PATZ1: variants seen among roughly 807,000 people sequenced by gnomAD.
PATZ1 encodes the protein POZ-, AT hook-, and zinc finger-containing protein 1.
PATZ1 carries 9 observed loss-of-function variants against 46.2 expected under a neutral mutation model. That is an observed-to-expected ratio of 0.19 (90% CI 0.12 to 0.34). The LOEUF (loss-of-function observed/expected upper bound fraction) is 0.34, where lower values mean the gene tolerates loss of function less well. PATZ1 is among the 10% of genes least tolerant of loss of function. The probability of loss-of-function intolerance (pLI) is 1.00; values close to 1 mark genes in which losing one functional copy is unlikely to be tolerated. For missense variants in PATZ1, 632 were observed against 923.0 expected (o/e 0.68, Z 4.08); for synonymous variants, 426 against 378.6 (o/e 1.13, Z -1.45).
At chr22:31,335,989 T>TTAGAGTTTGGCTCAGGCTCCC (rs2049504153) in intron 2 of PATZ1, 126 bp from the exon 3 acceptor site, 1 of 853,130 alleles carries the variant, frequency 1.2e-6, no homozygotes, top group Non-Finnish European at 1.8e-6. Context: ...AAAGACAGCT[T>TTAGAGTTTGGCTCAGGCTCCC]TAGAGTTTGG....
Position 31,334,835 on chromosome 22 carries a change from T to C in PATZ1, c.1507+857A>G, listed in dbSNP as rs17820970. Among the ~76,000 whole-genome samples, 1,455 of 152,194 alleles carry C rather than the reference T, an allele frequency of 9.6e-3. 99 individuals are homozygous for C. The East Asian group carries it at 0.19, about 20-fold the overall frequency. On this transcript the variant is annotated intron_variant, in intron 3 of 4. Coordinates refer to ENST00000266269, the MANE Select transcript of PATZ1 (RefSeq NM_014323.3). ...CCCACTAAGCAGGCTTTCGGAAGCA[T>C]TGGGACAAGCAAGAATGCCCCAGGA...
Position 31,326,772 on chromosome 22 carries a change from G to C in PATZ1, c.*119C>G. 1.2e-6 allele frequency: 1 copy of C among 818,358 alleles called. No homozygotes were observed. The highest frequency in any genetic ancestry group is 1.9e-6 in the Non-Finnish European group (1 of 527,078). 50.7% of individuals were successfully genotyped at this position (818,358 alleles called of 1,614,324 possible). A position where few individuals can be genotyped will look rare whatever the true frequency, so the allele number is the denominator to read the frequency against. ...GAAGGAGTTGGAGTGGGGTTGGGGG[G>C]CAGTTAAAAATGAATAAAAATCTCT... On this transcript the variant is annotated 3_prime_UTR_variant, in exon 5 of 5. Transcript: ENST00000266269.
At chr22:31,343,559 T>TCA in intron 1 of PATZ1, 1 of 398,486 alleles carries the variant, frequency 2.5e-6, no homozygotes, top group Non-Finnish European at 3.4e-6. Context: ...ATCCCTGTGT[T>TCA]CACACACACA....
chr22:31,341,805 C>G (rs1569028307), intron 2 of PATZ1: 1 of 803,144 alleles, frequency 1.2e-6, no homozygotes, highest in Non-Finnish European at 2.0e-6. Context: ...AGAATGTGCT[C>G]TGTGATGAGA....
At chr22:31,341,431 C>A (rs1179462507) in intron 2 of PATZ1, 2 of 1,575,750 alleles carry the variant, frequency 1.3e-6, no homozygotes, top group Admixed American at 3.6e-5. Context: ...TGGGTAAAGG[C>A]CCTGCTGCCC....
rs774400596 is a variant in PATZ1, at chr22:31,345,486, G to A, written c.117C>T (p.Arg39=). ...NLNQQRKNGG[R]FCDVLLRVGD... ...CTACCCGCAAGAGCACGTCGCAGAA[G>A]CGCCCGCCGTTTTTGCGCTGCTGGT... The change falls in exon 1 of 5, where the codon CGC becomes CGT. Residue 39 remains arginine, a synonymous_variant. Transcript: ENST00000266269. This position sits in a 1 kb window ranked among gnomAD's most constrained non-coding sequence, Gnocchi z 7.4. 2 of 1,611,418 alleles carry A rather than the reference G, an allele frequency of 1.2e-6. No homozygotes were observed. Among genetic ancestry groups the A allele is most frequent in the African/African-American group, 1.3e-5 (1 of 74,910 alleles).
intron 2 of PATZ1, among the ~76,000 whole-genome samples, chr22:31,339,337 T>C (rs555199802): frequency 6.6e-6 from 1 of 152,238 alleles, no homozygotes; most frequent in Non-Finnish European, 1.5e-5. Context: ...GCTGAAGTGA[T>C]TGTTGGCTTC....
chr22:31,329,211 A>G (rs1413185887), intron 3 of PATZ1, among the ~76,000 whole-genome samples: 1 of 152,218 alleles, frequency 6.6e-6, no homozygotes, highest in Non-Finnish European at 1.5e-5. Flanking sequence ...TGCTCCTGCT[A>G]GGGCCAGAGG....
chr22:31,331,344 C>CTTT (rs36079277), intron 3 of PATZ1, among the ~76,000 whole-genome samples: 14 of 140,686 alleles, frequency 1.0e-4, no homozygotes, highest in African/African-American at 2.9e-4. Flanking sequence ...TAATTTTTTC[C>CTTT]TTTTTTTTTT....
chr22:31,334,924 C>T (rs143565207), intron 3 of PATZ1, among the ~76,000 whole-genome samples: 3 of 152,312 alleles, frequency 2.0e-5, no homozygotes, highest in East Asian at 1.9e-4. Context: ...AGCATCCTCA[C>T]GTTCACAGAT....
chr22:31,343,257 G>A (rs1290013677), intron 1 of PATZ1: 3 of 1,142,368 alleles, frequency 2.6e-6, no homozygotes, highest in Non-Finnish European at 3.3e-6. Context: ...GACCAGAGGC[G>A]GTGGCAGTAG....
chr22:31,333,705 G>A (rs567102891), intron 3 of PATZ1, among the ~76,000 whole-genome samples: 3 of 152,204 alleles, frequency 2.0e-5, no homozygotes, highest in African/African-American at 7.2e-5. Context: ...ACCCAGTCTT[G>A]GCTTTTCTGA....
intron 3 of PATZ1, among the ~76,000 whole-genome samples, chr22:31,335,061 C>T (rs567770368): frequency 1.2e-4 from 18 of 152,312 alleles, no homozygotes; most frequent in African/African-American, 4.3e-4. Flanking sequence ...ACAGGCTTGA[C>T]TTCACCCAAC....
intron 1 of PATZ1, 156 bp from the exon 2 acceptor site, chr22:31,343,116 G>C: frequency 7.1e-7 from 1 of 1,417,184 alleles, no homozygotes; most frequent in Non-Finnish European, 9.3e-7. Flanking sequence ...TCACCACCCA[G>C]TTCTGGCTCC....
Position 31,335,801 on chromosome 22 carries a change from G to A in PATZ1, c.1398C>T (p.Asp466=), listed in dbSNP as rs1485214305. 4 of 1,614,020 alleles carry A rather than the reference G, an allele frequency of 2.5e-6. No homozygotes were observed. Among genetic ancestry groups the A allele is most frequent in the Non-Finnish European group, 3.4e-6 (4 of 1,180,034 alleles). ...RLRSHLACHE[D]KVPCQVCGKY... ...TCCCACACACCTGGCAGGGCACCTT[G>A]TCTTCATGACAGGCCAGGTGGGAGC... Residue 466 remains aspartate (D), a synonymous_variant, in exon 3 of 5, where the codon GAC becomes GAT. Coordinates refer to ENST00000266269, the MANE Select transcript of PATZ1 (RefSeq NM_014323.3).
At chr22:31,340,076 T>A (rs151060641) in intron 2 of PATZ1, among the ~76,000 whole-genome samples, 42 of 151,994 alleles carry the variant, frequency 2.8e-4, no homozygotes, top group Non-Finnish European at 5.2e-4. Flanking sequence ...GCTAGGGAGG[T>A]CTGAGCTGCT....
chr22:31,343,529 GC>G, intron 1 of PATZ1: 1 of 698,700 alleles, frequency 1.4e-6, no homozygotes, highest in Non-Finnish European at 1.8e-6. Context: ...CCTGGTCGGG[GC>G]CCTCTGAGGG....
At chr22:31,331,344 CTTT>C (rs36079277) in intron 3 of PATZ1, among the ~76,000 whole-genome samples, 7 of 140,654 alleles carry the variant, frequency 5.0e-5, no homozygotes, top group East Asian at 2.1e-4. Context: ...TAATTTTTTC[CTTT>C]TTTTTTTTTT....
At chr22:31,339,281 G>GA (rs1440534990) in intron 2 of PATZ1, among the ~76,000 whole-genome samples, 1 of 152,254 alleles carries the variant, frequency 6.6e-6, no homozygotes, top group East Asian at 1.9e-4. Flanking sequence ...GCTGCTGGGG[G>GA]AAAAAACACA....
Sources: gnomAD v4.1 joint callset for allele counts (sites outside exome capture counted in the v4.1 genomes callset) on GRCh38, gnomAD v4.1.1 for gene constraint, Gnocchi (gnomAD v3.1) non-coding constraint, MANE v1.5 for transcripts, NCBI Gene and HGNC (gene_info 2026-07-23, HGNC 2026-07-21) for gene names.